The following PCDHA10 variants were observed in gnomAD, a reference collection of about 807,000 sequenced individuals.
The protein encoded by PCDHA10 is protocadherin alpha 10.
In PCDHA10, 45 loss-of-function variants were observed where a neutral mutation model predicts 61.2. That is an observed-to-expected ratio of 0.74 (90% confidence interval 0.58 to 0.94). The LOEUF (loss-of-function observed/expected upper bound fraction) is 0.94. PCDHA10 is among the 40% of genes least tolerant of loss of function. PCDHA10 has a pLI of 0.00. For missense variants in PCDHA10, 1,278 were observed against 1,236.2 expected, an observed-to-expected ratio of 1.03 and a Z score of -0.51; for synonymous variants, 602 against 548.8, an observed-to-expected ratio of 1.10 and a Z score of -1.35.
At position 141,010,202 on chromosome 5, in the gene PCDHA10, G is replaced by C; in HGVS notation, c.*265G>C. 6.4e-7 allele frequency: 1 copy of C among 1,551,944 alleles called. No homozygotes were observed. The highest frequency in any genetic ancestry group is 8.7e-7 in the Non-Finnish European group (1 of 1,147,050). The stretch of plus-strand genomic sequence containing the variant: ...CAGACCCAAGTTTCCTTTCTCCTCC[G>C]CCGCAAAGGAGAGGCTTCCCAGCCC... On this transcript the variant is annotated 3_prime_UTR_variant, in exon 4 of 4. Coordinates refer to ENST00000307360, the MANE Select transcript of PCDHA10 (RefSeq NM_018901.4).
chr5:140,965,976 G>A (rs2095953776), intron 1 of PCDHA10, among the ~76,000 whole-genome samples: 1 of 152,154 alleles, frequency 6.6e-6, no homozygotes, highest in Non-Finnish European at 1.5e-5. Context: ...CCTAGGAGTT[G>A]AGCACTTTCT....
chr5:140,931,161 C>G (rs1214685588), intron 1 of PCDHA10, among the ~76,000 whole-genome samples: 5 of 152,132 alleles, frequency 3.3e-5, no homozygotes, highest in African/African-American at 1.2e-4. Flanking sequence ...AATAGAATCT[C>G]AGTTAATTTT....
At chr5:140,863,429 G>A (rs781937083) in intron 1 of PCDHA10, 1 of 653,862 alleles carries the variant, frequency 1.5e-6, no homozygotes, top group East Asian at 4.5e-5. Flanking sequence ...AGCGTAGTGG[G>A]ATCTGGTCTT....
chr5:140,871,533 G>T, intron 1 of PCDHA10: 1 of 1,516,446 alleles, frequency 6.6e-7, no homozygotes, highest in Non-Finnish European at 8.8e-7. Flanking sequence ...GGAAGTGTAT[G>T]TGAAATTATT....
chr5:140,882,466 G>A (rs782656797), intron 1 of PCDHA10: 1 of 1,614,028 alleles, frequency 6.2e-7, no homozygotes, highest in South Asian at 1.1e-5. Flanking sequence ...TGTTCCGGGT[G>A]GCGTCCAAAA....
intron 1 of PCDHA10, among the ~76,000 whole-genome samples, chr5:140,909,836 C>T (rs2074710574): frequency 6.6e-6 from 1 of 152,176 alleles, no homozygotes; most frequent in South Asian, 2.1e-4. Flanking sequence ...ACTGGAGGAC[C>T]ACCAGGACGT....
At chr5:140,967,613 G>C in intron 1 of PCDHA10, 1 of 1,614,182 alleles carries the variant, frequency 6.2e-7, no homozygotes, top group Non-Finnish European at 8.5e-7. Flanking sequence ...GAATGCCTCA[G>C]ACCCGGATGA....
chr5:140,964,759 G>T (rs1419505922), intron 1 of PCDHA10, among the ~76,000 whole-genome samples: 6 of 151,804 alleles, frequency 4.0e-5, no homozygotes, highest in Non-Finnish European at 7.4e-5. Context: ...GATGTTTGGG[G>T]AGGATGCAGA....
chr5:140,883,242 A>C (rs1562785855), intron 1 of PCDHA10: 2 of 1,614,066 alleles, frequency 1.2e-6, no homozygotes, highest in Non-Finnish European at 1.7e-6. Context: ...GCAGTTGACA[A>C]AGGAAATATT....
At chr5:140,895,868 A>G (rs555320203) in intron 1 of PCDHA10, among the ~76,000 whole-genome samples, 5 of 152,228 alleles carry the variant, frequency 3.3e-5, no homozygotes, top group Admixed American at 6.5e-5. Flanking sequence ...CTGGAGTGCA[A>G]TGGCGCGATC....
intron 1 of PCDHA10, among the ~76,000 whole-genome samples, chr5:140,889,933 A>T (rs1034906344): frequency 7.9e-5 from 12 of 152,188 alleles, no homozygotes; most frequent in African/African-American, 2.9e-4. Context: ...CTCAAGCTGG[A>T]CTTGTGAGAA....
chr5:140,927,921 G>A, intron 1 of PCDHA10: 2 of 1,614,194 alleles, frequency 1.2e-6, no homozygotes, highest in South Asian at 1.1e-5. Context: ...TGGACTTCCT[G>A]ACTCTTTCGA....
intron 1 of PCDHA10, chr5:140,929,943 A>C (rs996777609): frequency 1.3e-5 from 2 of 152,224 alleles, no homozygotes; most frequent in African/African-American, 4.8e-5. Flanking sequence ...TCTCTAGCCT[A>C]TACTTTTAAT....
intron 3 of PCDHA10, among the ~76,000 whole-genome samples, chr5:141,000,387 CTCTCTCTCTATA>C (rs1217065500): frequency 3.9e-4 from 26 of 66,870 alleles, no homozygotes; most frequent in African/African-American, 1.1e-3. Context: ...CTCTCTCTCT[CTCTCTCTCTATA>C]TATATATATA....
chr5:140,996,111 G>C (rs981356405), intron 3 of PCDHA10, among the ~76,000 whole-genome samples: 1 of 152,220 alleles, frequency 6.6e-6, no homozygotes, highest in East Asian at 1.9e-4. Context: ...GTATGGAAGT[G>C]TGCAGGGTGG....
At chr5:140,994,759 G>C (rs1193190612) in intron 3 of PCDHA10, among the ~76,000 whole-genome samples, 3 of 152,130 alleles carry the variant, frequency 2.0e-5, no homozygotes, top group African/African-American at 7.2e-5. Flanking sequence ...ATGTGGAGAG[G>C]AAGAGAATTC....
rs376607115 is a variant in PCDHA10 at position 141,006,474 on chromosome 5, A to G, written c.2537-3153A>G. Among the ~76,000 whole-genome samples, 193 of 152,188 alleles carry G rather than the reference A, an allele frequency of 1.3e-3. 1 individual carries two copies. The highest frequency in any genetic ancestry group is 4.5e-3 in the African/African-American group (185 of 41,520). ...GAGATCTGCCTGTCTCGGCCTCCCA[A>G]AGTGCTGGGATTACATGTGTGAGCC... On this transcript the variant is annotated intron_variant, in intron 3 of 3. Transcript: ENST00000307360.
intron 1 of PCDHA10, 162 bp downstream of exon 1, chr5:140,858,598 T>C: frequency 7.7e-7 from 1 of 1,294,926 alleles, no homozygotes; most frequent in Non-Finnish European, 1.1e-6. Context: ...TTCCAGGAGT[T>C]TTAAAATTTT....
intron 3 of PCDHA10, 34 bp from the exon 4 acceptor site, chr5:141,009,593 C>T (rs1219056557): frequency 6.2e-7 from 1 of 1,601,902 alleles, no homozygotes; most frequent in Non-Finnish European, 8.5e-7. Context: ...CATGTGTTGA[C>T]CCTGTTAATG....
Sources: allele counts gnomAD v4.1 joint callset (sites outside exome capture counted in the v4.1 genomes callset), GRCh38; gene constraint gnomAD v4.1.1; transcripts MANE v1.5; gene names NCBI Gene and HGNC (gene_info 2026-07-23, HGNC 2026-07-21).